Variants in RASSF2 observed in about 807,000 individuals in gnomAD.
RASSF2 encodes the protein ras association domain-containing protein 2.
In RASSF2, 34 loss-of-function variants were observed where a neutral mutation model predicts 46.3. The ratio of observed to expected loss-of-function variants is 0.73; its 90% CI spans 0.56 to 0.98. The LOEUF (loss-of-function observed/expected upper bound fraction) is 0.98. RASSF2 is among the 50% of genes least tolerant of loss of function. The probability of loss-of-function intolerance (pLI) is 0.00; values close to 1 mark genes in which losing one functional copy is unlikely to be tolerated. For synonymous variants in RASSF2, 158 were observed against 162.5 expected (o/e 0.97, Z 0.21); for missense variants, 364 against 431.2 (o/e 0.84, Z 1.38).
chr20:4,796,025 A>G, intron 4 of RASSF2, 59 bp from the exon 5 acceptor site: 1 of 1,437,086 alleles, frequency 7.0e-7, no homozygotes, highest in East Asian at 2.7e-5. Context: ...AGCCAAGACC[A>G]TGCTGAGGGA....
At position 4,801,050 on chromosome 20, in the gene RASSF2, C is replaced by T. The variant is rs985748412; in HGVS notation, c.-20G>A. 2.2e-5 allele frequency: 36 copies of T among 1,612,624 alleles called. No homozygotes were observed. The highest frequency in any genetic ancestry group is 2.2e-4 in the East Asian group (10 of 44,880). ...GTCCATTCTTCCTTTCTCTTTTCAT[C>T]GGAAGGAGAGGCCTACATTTGGAAG... On this transcript the variant is annotated 5_prime_UTR_variant, in exon 3 of 12. Transcript: ENST00000379400.
rs1925137030 is a variant in RASSF2 at position 4,784,611 on chromosome 20, A to G, written c.912-269T>C. Among the ~76,000 whole-genome samples the G allele has an allele frequency of 2.0e-5, 3 of 151,486 alleles. No individual in the cohort carries two copies. The South Asian group carries it at 6.2e-4, about 31-fold the overall frequency. On this transcript the variant is annotated intron_variant, in intron 11 of 11. Transcript: ENST00000379400. Reference sequence around the variant, plus strand: ...TCTAGCCAAAAAAAAAAAAAAAAAAAAAAAGGTAAAAAAAAACAACAGCAA... The same window carrying G: ...TCTAGCCAAAAAAAAAAAAAAAAAAGAAAAGGTAAAAAAAAACAACAGCAA...
At chr20:4,820,271 G>T (rs1928603652) in intron 2 of RASSF2, among the ~76,000 whole-genome samples, 1 of 152,238 alleles carries the variant, frequency 6.6e-6, no homozygotes, top group African/African-American at 2.4e-5. Flanking sequence ...TTGGGAGGCT[G>T]AGGCAGGAGG....
At chr20:4,792,022 G>A (rs539808914) in intron 6 of RASSF2, among the ~76,000 whole-genome samples, 3 of 152,114 alleles carry the variant, frequency 2.0e-5, no homozygotes, top group East Asian at 1.9e-4. Context: ...AGGCTGAGGC[G>A]GGCAGATCAC....
chr20:4,814,775 T>C (rs1317137922), intron 2 of RASSF2, among the ~76,000 whole-genome samples: 1 of 152,312 alleles, frequency 6.6e-6, no homozygotes, highest in Non-Finnish European at 1.5e-5. Context: ...AGACCCCTCC[T>C]AGTGCCAGGA....
Position 4,789,582 on chromosome 20 carries a change from C to CA in RASSF2, c.639+13dup, listed in dbSNP as rs1925683029. ...TGTGACCCCATCTGTGGCCACTCAG[C>CA]AAAGGGAACTTGCCTTAAATTTGTT... On this transcript the variant is annotated intron_variant, in intron 8 of 11. Coordinates refer to ENST00000379400, the MANE Select transcript of RASSF2 (RefSeq NM_014737.3). 6.2e-7 allele frequency: 1 copy of CA among 1,611,512 alleles called. No homozygotes were observed. The highest frequency in any genetic ancestry group is 8.5e-7 in the Non-Finnish European group (1 of 1,177,648).
At position 4,795,912 on chromosome 20, in the gene RASSF2, G is replaced by A. The variant is rs769557407; in HGVS notation, c.190C>T (p.Arg64Trp). 6.3e-6 allele frequency: 10 copies of A among 1,597,636 alleles called. No homozygotes were observed. The highest frequency in any genetic ancestry group is 2.3e-5 in the East Asian group (1 of 43,320). Residue 64 changes from arginine (R) to tryptophan (W), a missense_variant, in exon 5 of 12, where the codon CGG becomes TGG. Arg to Trp is a moderately radical substitution (Grantham distance 101). Transcript: ENST00000379400. This position sits in a 1 kb window ranked among gnomAD's most constrained non-coding sequence, Gnocchi z 4.0. ...GLLNISWGLR[R>W]PIRLQMQDDN... ...TCCTGCATCTGCAGGCGAATGGGCC[G>A]GCGCAGGCCCCAGGAGATGTTCAGG...
At chr20:4,788,754 T>G (rs1157597493) in intron 8 of RASSF2, among the ~76,000 whole-genome samples, 1 of 152,256 alleles carries the variant, frequency 6.6e-6, no homozygotes. Context: ...CTGTCGTATA[T>G]GTGGTGCATC....
In RASSF2 at chr20:4,787,875, T is replaced by TAA. The variant is rs1601084858; in HGVS notation, c.692-123_692-122dup. 6.4e-6 allele frequency: 8 copies of TAA among 1,255,192 alleles called. No homozygotes were observed. The East Asian group carries it at 2.0e-4, about 31-fold the overall frequency. 77.8% of individuals were successfully genotyped at this position (1,255,192 alleles called of 1,614,324 possible). On this transcript the variant is annotated intron_variant, in intron 9 of 11. Transcript: ENST00000379400. Reference sequence around the variant, plus strand: ...CCATATACGTCAGGAGACTGATTTATAAGTGAACTATTCCATAGGTGTTGT... The same window carrying TAA: ...CCATATACGTCAGGAGACTGATTTATAAAAGTGAACTATTCCATAGGTGTTGT...
chr20:4,794,131 T>G (rs1315902712), intron 5 of RASSF2, among the ~76,000 whole-genome samples: 1 of 152,166 alleles, frequency 6.6e-6, no homozygotes, highest in African/African-American at 2.4e-5. Flanking sequence ...TACAGTACAG[T>G]GTAACAAGTA....
At chr20:4,814,671 G>A (rs1308886433) in intron 2 of RASSF2, among the ~76,000 whole-genome samples, 2 of 152,108 alleles carry the variant, frequency 1.3e-5, no homozygotes, top group East Asian at 1.9e-4. Flanking sequence ...CAGTCATTGC[G>A]GCATATCTGA....
At chr20:4,810,106 C>G (rs1443136048) in intron 2 of RASSF2, among the ~76,000 whole-genome samples, 3 of 152,230 alleles carry the variant, frequency 2.0e-5, no homozygotes, top group South Asian at 2.1e-4. Flanking sequence ...CACTGTCCCC[C>G]ACCCACTCTC....
chr20:4,788,840 T>G (rs1298850083), intron 8 of RASSF2, among the ~76,000 whole-genome samples: 1 of 152,212 alleles, frequency 6.6e-6, no homozygotes, highest in African/African-American at 2.4e-5. Context: ...GTGCCAGGCA[T>G]AGTTCTACAA....
At chr20:4,802,606 C>G (rs1266997996) in intron 2 of RASSF2, among the ~76,000 whole-genome samples, 3 of 152,008 alleles carry the variant, frequency 2.0e-5, no homozygotes, top group Admixed American at 6.6e-5. Flanking sequence ...TATGAGGTAC[C>G]TAGAGTAGTC....
intron 2 of RASSF2, among the ~76,000 whole-genome samples, chr20:4,808,147 C>A (rs1394151959): frequency 6.6e-6 from 1 of 152,208 alleles, no homozygotes; most frequent in East Asian, 1.9e-4. Context: ...GGGGTGCCTG[C>A]CATTATCTGT....
At chr20:4,798,908 C>G (rs2122541949) in intron 3 of RASSF2, among the ~76,000 whole-genome samples, 1 of 151,342 alleles carries the variant, frequency 6.6e-6, no homozygotes, top group African/African-American at 2.4e-5. Context: ...GAAGCAATAG[C>G]CACACAACGG....
At chr20:4,809,159 A>G (rs780458403) in intron 2 of RASSF2, among the ~76,000 whole-genome samples, 1 of 152,174 alleles carries the variant, frequency 6.6e-6, no homozygotes, top group African/African-American at 2.4e-5. Flanking sequence ...TCTGCTTGTC[A>G]GTGGAATTCA....
At position 4,801,021 on chromosome 20, in the gene RASSF2, T is replaced by C. The variant is rs1162670753; in HGVS notation, c.10A>G (p.Ser4Gly). The C allele has an allele frequency of 1.9e-6, 3 of 1,613,802 alleles. No homozygotes were observed. The highest frequency in any genetic ancestry group is 2.5e-6 in the Non-Finnish European group (3 of 1,179,726). Residue 4 changes from serine (S) to glycine (G), a missense_variant, in exon 3 of 12, where the codon AGC (serine) becomes GGC (glycine). Ser to Gly is a moderately conservative substitution (Grantham distance 56). Coordinates refer to ENST00000379400, the MANE Select transcript of RASSF2 (RefSeq NM_014737.3). MDYSHQTSLVPCGQ... is the reference protein window; with the variant it reads MDYGHQTSLVPCGQ... ...CATGGGACTAGGGACGTTTGGTGGC[T>C]GTAGTCCATTCTTCCTTTCTCTTTT...
At chr20:4,802,212 C>G (rs1851756341) in intron 2 of RASSF2, among the ~76,000 whole-genome samples, 1 of 152,190 alleles carries the variant, frequency 6.6e-6, no homozygotes, top group Admixed American at 6.5e-5. Context: ...GCTGGAACTA[C>G]AGGTGTGCCC....
Sources: allele counts gnomAD v4.1 joint callset (sites outside exome capture counted in the v4.1 genomes callset), GRCh38; gene constraint gnomAD v4.1.1; non-coding constraint Gnocchi (gnomAD v3.1); transcripts MANE v1.5; gene names NCBI Gene and HGNC (gene_info 2026-07-23, HGNC 2026-07-21).